The following POU2F2 variants were observed in gnomAD, a reference collection of about 807,000 sequenced individuals.
The protein encoded by POU2F2 is POU class 2 homeobox 2.
Under a neutral mutation model 63.5 loss-of-function variants are expected in POU2F2, and 14 were observed. The observed-to-expected ratio is 0.22, with a 90% CI of 0.15 to 0.34. The LOEUF is 0.34. Among genes scored for constraint, POU2F2 ranks in the 10% least tolerant of loss-of-function variants. POU2F2 has a pLI of 1.00. For missense variants in POU2F2, 607 were observed against 815.2 expected (o/e 0.74, Z 3.11); for synonymous variants, 306 against 348.6 (o/e 0.88, Z 1.36).
intron 7 of POU2F2, chr19:42,099,267 T>C (rs754502195): frequency 1.8e-5 from 8 of 454,614 alleles, no homozygotes; most frequent in African/African-American, 3.9e-5. Flanking sequence ...GATCTAAATC[T>C]TTCATCATAT....
At chr19:42,130,308 C>G (rs1160479903) in intron 1 of POU2F2, among the ~76,000 whole-genome samples, 3 of 152,158 alleles carry the variant, frequency 2.0e-5, no homozygotes, top group Non-Finnish European at 4.4e-5. Flanking sequence ...GTCACACACA[C>G]AAACACAAGT....
chr19:42,195,031 AAGGG>A (rs1411473695), intron 1 of POU2F2, among the ~76,000 whole-genome samples: 1 of 60,252 alleles, frequency 1.7e-5, no homozygotes, highest in Non-Finnish European at 3.4e-5. Flanking sequence ...GGGAGGAACG[AAGGG>A]AGGGAGGGAG....
intron 5 of POU2F2, among the ~76,000 whole-genome samples, chr19:42,100,076 CCTTT>C (rs1201868436): frequency 4.1e-5 from 6 of 147,062 alleles, no homozygotes; most frequent in Non-Finnish European, 7.5e-5. Flanking sequence ...CTTTATTTAC[CCTTT>C]CTTTCTTTTT....
intron 2 of POU2F2, among the ~76,000 whole-genome samples, chr19:42,144,539 G>A (rs2034192404): frequency 6.6e-6 from 1 of 152,218 alleles, no homozygotes. Context: ...CTTGTGCCAG[G>A]AGCTAGGGAC....
At chr19:42,186,286 C>T (rs1387034128) in intron 1 of POU2F2, among the ~76,000 whole-genome samples, 3 of 152,016 alleles carry the variant, frequency 2.0e-5, no homozygotes, top group Admixed American at 2.0e-4. Flanking sequence ...GATTGCGCCA[C>T]GGCACTCCAG....
intron 5 of POU2F2, among the ~76,000 whole-genome samples, chr19:42,107,065 T>C (rs1474010934): frequency 6.6e-6 from 1 of 152,008 alleles, no homozygotes; most frequent in Non-Finnish European, 1.5e-5. Context: ...AATTAAAATT[T>C]GGCTGGGTGC....
chr19:42,139,632 G>A (rs1962240227), intron 2 of POU2F2, among the ~76,000 whole-genome samples: 1 of 152,090 alleles, frequency 6.6e-6, no homozygotes, highest in Non-Finnish European at 1.5e-5. Flanking sequence ...TAGAAATAGG[G>A]TTTCACCATG....
chr19:42,121,374 G>A (rs1021867074), intron 4 of POU2F2, among the ~76,000 whole-genome samples: 8 of 152,096 alleles, frequency 5.3e-5, no homozygotes, highest in African/African-American at 1.2e-4. Flanking sequence ...CATCCCATCC[G>A]ACTGCCCCCT....
At chr19:42,157,932 G>T (rs2034487492) in intron 2 of POU2F2, among the ~76,000 whole-genome samples, 1 of 152,128 alleles carries the variant, frequency 6.6e-6, no homozygotes, top group Non-Finnish European at 1.5e-5. Flanking sequence ...GGCTGGGAGG[G>T]GGTCTCTCAC....
chr19:42,120,522 A>T (rs1447204877), intron 4 of POU2F2, among the ~76,000 whole-genome samples: 1 of 152,130 alleles, frequency 6.6e-6, no homozygotes, highest in Non-Finnish European at 1.5e-5. Context: ...GCCCAGCCCT[A>T]ATCTCCTTTT....
At chr19:42,115,208 G>C (rs1412132366) in intron 5 of POU2F2, among the ~76,000 whole-genome samples, 1 of 152,120 alleles carries the variant, frequency 6.6e-6, no homozygotes, top group East Asian at 1.9e-4. Flanking sequence ...AGTTTACAGA[G>C]TGTCTCCACA....
At chr19:42,106,898 T>C (rs888098174) in intron 5 of POU2F2, among the ~76,000 whole-genome samples, 14 of 151,642 alleles carry the variant, frequency 9.2e-5, no homozygotes, top group African/African-American at 3.4e-4. Context: ...TGGTGGTGCA[T>C]GCCTGTGGTC....
intron 1 of POU2F2, among the ~76,000 whole-genome samples, chr19:42,185,005 C>T (rs1399399144): frequency 6.6e-6 from 1 of 152,144 alleles, no homozygotes; most frequent in Non-Finnish European, 1.5e-5. Context: ...TGGTGATACT[C>T]CATCCAATCT....
chr19:42,113,829 C>T (rs577455968), intron 5 of POU2F2, among the ~76,000 whole-genome samples: 4 of 152,160 alleles, frequency 2.6e-5, no homozygotes, highest in Admixed American at 1.3e-4. Flanking sequence ...GAGATGCGGC[C>T]CGGGAGAGAC....
At chr19:42,108,725 G>A (rs2030564377) in intron 5 of POU2F2, among the ~76,000 whole-genome samples, 1 of 152,230 alleles carries the variant, frequency 6.6e-6, no homozygotes, top group African/African-American at 2.4e-5. Context: ...GAAGCCACTT[G>A]AGGGCGTGTT....
At chr19:42,106,054 CTTTCTTTCTT>C (rs893979026) in intron 5 of POU2F2, among the ~76,000 whole-genome samples, 2 of 85,314 alleles carry the variant, frequency 2.3e-5, no homozygotes, top group African/African-American at 8.6e-5. Flanking sequence ...TTTCTTTCTT[CTTTCTTTCTT>C]TTTCTTTCTT....
intron 5 of POU2F2, chr19:42,110,640 G>C: frequency 2.2e-6 from 1 of 446,028 alleles, no homozygotes; most frequent in Non-Finnish European, 4.5e-6. Flanking sequence ...GTTATGGAGA[G>C]ACCTGGGCCT....
rs112662621 is a variant in POU2F2 at position 42,127,346 on chromosome 19, G to A, written c.29-4770C>T. Among the ~76,000 whole-genome samples, 256 of 151,510 alleles carry A rather than the reference G, an allele frequency of 1.7e-3. 3 individuals carry two copies. The highest frequency in any genetic ancestry group is 5.5e-3 in the African/African-American group (226 of 41,314). Reference sequence around the variant, plus strand: ...CCAATCTGTCCACCTGGCGACCCCCGGACTCATCCTTCAGAACCCAGCATA... The same window carrying A: ...CCAATCTGTCCACCTGGCGACCCCCAGACTCATCCTTCAGAACCCAGCATA... On this transcript the variant is annotated intron_variant, in intron 1 of 14. Coordinates refer to ENST00000692977, the MANE Select transcript of POU2F2 (RefSeq NM_001394376.1).
chr19:42,177,888 C>A (rs1309229424), upstream of POU2F2, among the ~76,000 whole-genome samples: 1 of 151,570 alleles, frequency 6.6e-6, no homozygotes, highest in African/African-American at 2.4e-5. Context: ...GAGAAAGACT[C>A]CTAGAGGCAG....
Sources: gnomAD v4.1 joint callset for allele counts (sites outside exome capture counted in the v4.1 genomes callset) on GRCh38, gnomAD v4.1.1 for gene constraint, MANE v1.5 for transcripts, NCBI Gene and HGNC (gene_info 2026-07-23, HGNC 2026-07-21) for gene names.